Variants in RBFOX1 observed in about 807,000 individuals in gnomAD.
RBFOX1 encodes RNA binding protein fox-1 homolog 1.
In RBFOX1, 8 loss-of-function variants were observed where a neutral mutation model predicts 57.7. The observed-to-expected ratio is 0.14, with a 90% confidence interval of 0.08 to 0.25. The LOEUF (loss-of-function observed/expected upper bound fraction) is 0.25, where lower values mean the gene tolerates loss of function less well. RBFOX1 is among the 10% of genes least tolerant of loss of function. The pLI, the probability that RBFOX1 is intolerant of heterozygous loss-of-function variation, is 1.00. For missense variants in RBFOX1, 611 were observed against 548.5 expected (o/e 1.11, Z -1.14); for synonymous variants, 326 against 222.4 (o/e 1.47, Z -4.15).
chr16:5,847,620 T>G (rs967094038), intron 3 of RBFOX1, among the ~76,000 whole-genome samples: 6 of 152,190 alleles, frequency 3.9e-5, no homozygotes, highest in Non-Finnish European at 7.3e-5. Context: ...ATTCCTTCAT[T>G]AGTTTGTTCT....
At chr16:7,208,583 C>T (rs187780197) in intron 4 of RBFOX1, among the ~76,000 whole-genome samples, 1 of 152,084 alleles carries the variant, frequency 6.6e-6, no homozygotes, top group Admixed American at 6.6e-5. Context: ...TACCTGTAAC[C>T]CCAGCAATTT....
At chr16:7,243,058 A>G (rs928767182) in intron 4 of RBFOX1, among the ~76,000 whole-genome samples, 4 of 152,160 alleles carry the variant, frequency 2.6e-5, no homozygotes, top group African/African-American at 9.7e-5. Flanking sequence ...TGGTAATATA[A>G]TAATATATTC....
At chr16:7,260,350 T>G (rs1316340408) in intron 4 of RBFOX1, among the ~76,000 whole-genome samples, 2 of 152,200 alleles carry the variant, frequency 1.3e-5, no homozygotes, top group African/African-American at 4.8e-5. Context: ...TGTTAAAATT[T>G]TATTAAACGC....
chr16:6,514,080 C>T (rs1045864084), intron 2 of RBFOX1, among the ~76,000 whole-genome samples: 4 of 152,176 alleles, frequency 2.6e-5, no homozygotes, highest in African/African-American at 2.4e-5. Context: ...AGCCATTGGT[C>T]GTCAAGAATG....
intron 2 of RBFOX1, among the ~76,000 whole-genome samples, chr16:6,544,247 T>G (rs2096864509): frequency 6.6e-6 from 1 of 152,188 alleles, no homozygotes; most frequent in Admixed American, 6.5e-5. Context: ...AAGAGGTACT[T>G]CTTGGCCACC....
intron 4 of RBFOX1, among the ~76,000 whole-genome samples, chr16:7,124,033 AG>A (rs2067816279): frequency 6.6e-6 from 1 of 152,178 alleles, no homozygotes; most frequent in Admixed American, 6.5e-5. Flanking sequence ...ACTAGGTCAA[AG>A]GTTATGTATA....
intron 4 of RBFOX1, among the ~76,000 whole-genome samples, chr16:7,439,354 GA>G (rs2098747755): frequency 7.0e-6 from 1 of 142,206 alleles, no homozygotes; most frequent in African/African-American, 2.6e-5. Flanking sequence ...AGAGTGCTGT[GA>G]AAGGCAGATT....
At chr16:7,112,484 G>A (rs2064996746) in intron 4 of RBFOX1, among the ~76,000 whole-genome samples, 1 of 151,648 alleles carries the variant, frequency 6.6e-6, no homozygotes, top group Non-Finnish European at 1.5e-5. Context: ...TGGGATTACA[G>A]GCATGAGCCA....
intron 2 of RBFOX1, among the ~76,000 whole-genome samples, chr16:6,541,321 C>A (rs1050191751): frequency 6.6e-6 from 1 of 152,182 alleles, no homozygotes; most frequent in South Asian, 2.1e-4. Context: ...CTCTGGCATT[C>A]ATTCATTCAT....
chr16:6,183,290 G>C (rs1318747592), intron 1 of RBFOX1, among the ~76,000 whole-genome samples: 2 of 151,626 alleles, frequency 1.3e-5, no homozygotes, highest in South Asian at 2.1e-4. Context: ...ACCATCCTGG[G>C]TAACAAGGTG....
intron 3 of RBFOX1, among the ~76,000 whole-genome samples, chr16:5,612,536 T>A (rs778462836): frequency 8.5e-5 from 13 of 152,214 alleles, no homozygotes; most frequent in Non-Finnish European, 1.8e-4. Flanking sequence ...AGATAATGGC[T>A]CTGAGAAAGG....
intron 4 of RBFOX1, among the ~76,000 whole-genome samples, chr16:7,134,370 A>T (rs1182562142): frequency 3.9e-5 from 6 of 152,186 alleles, no homozygotes; most frequent in Admixed American, 2.6e-4. Flanking sequence ...AGACTTTAAC[A>T]TCGCTCTGGG....
At chr16:6,078,363 C>T (rs923001552) in intron 1 of RBFOX1, among the ~76,000 whole-genome samples, 2 of 152,040 alleles carry the variant, frequency 1.3e-5, no homozygotes, top group Non-Finnish European at 2.9e-5. Flanking sequence ...TGTTGTCCAA[C>T]AATAATTCAT....
At chr16:6,376,496 C>T (rs1487256943) in intron 2 of RBFOX1, among the ~76,000 whole-genome samples, 8 of 152,164 alleles carry the variant, frequency 5.3e-5, no homozygotes, top group Non-Finnish European at 1.2e-4. Context: ...TAGTTGCTGG[C>T]ATTCCCTGGC....
intron 3 of RBFOX1, among the ~76,000 whole-genome samples, chr16:6,870,483 A>G (rs1404452747): frequency 6.6e-6 from 1 of 152,184 alleles, no homozygotes; most frequent in Non-Finnish European, 1.5e-5. Flanking sequence ...CACAACAAGG[A>G]TTTAAGAGCT....
intron 4 of RBFOX1, among the ~76,000 whole-genome samples, chr16:7,318,932 C>G (rs968866700): frequency 5.9e-5 from 9 of 152,080 alleles, no homozygotes; most frequent in African/African-American, 2.2e-4. Flanking sequence ...CACCACTAGC[C>G]AGAATGATAA....
intron 2 of RBFOX1, among the ~76,000 whole-genome samples, chr16:5,480,596 C>A (rs1470204281): frequency 6.6e-6 from 1 of 152,220 alleles, no homozygotes; most frequent in Admixed American, 6.5e-5. Flanking sequence ...TTCCCAATGG[C>A]TTTCTTAATT....
chr16:5,366,660 C>T (rs771777061), intron 1 of RBFOX1: 22 of 426,734 alleles, frequency 5.2e-5, no homozygotes, highest in Non-Finnish European at 7.2e-5. Flanking sequence ...AGGCTATTCC[C>T]GATCTCTGGC....
chr16:7,455,785 CAAAAAAAA>C (rs369544031), intron 4 of RBFOX1, among the ~76,000 whole-genome samples: 1 of 82,808 alleles, frequency 1.2e-5, no homozygotes, highest in African/African-American at 5.1e-5. Context: ...GACTCCATCT[CAAAAAAAA>C]AAAAAAAAGA....
Sources: gnomAD v4.1 joint callset for allele counts (sites outside exome capture counted in the v4.1 genomes callset) on GRCh38, gnomAD v4.1.1 for gene constraint, MANE v1.5 for transcripts, NCBI Gene and HGNC (gene_info 2026-07-23, HGNC 2026-07-21) for gene names.